SLC38A1: variants seen among roughly 807,000 people sequenced by gnomAD.
SLC38A1 encodes sodium-coupled neutral amino acid symporter 1.
In SLC38A1, 18 loss-of-function variants were observed where a neutral mutation model predicts 60.3. The ratio of observed to expected loss-of-function variants is 0.30; its 90% CI spans 0.21 to 0.44. The LOEUF is 0.44. Ranked by LOEUF, SLC38A1 falls within the 20% of genes least tolerant of loss-of-function variation. The pLI is 1.00. For synonymous variants in SLC38A1, 196 were observed against 212.1 expected (o/e 0.92, Z 0.66); for missense variants, 448 against 587.2 (o/e 0.76, Z 2.45).
intron 11 of SLC38A1, among the ~76,000 whole-genome samples, chr12:46,203,784 A>G (rs1939767940): frequency 6.6e-6 from 1 of 152,256 alleles, no homozygotes; most frequent in Non-Finnish European, 1.5e-5. Context: ...CTTGTAAGAT[A>G]CAGAATAGAA....
chr12:46,227,296 A>G (rs1940905538), intron 5 of SLC38A1, among the ~76,000 whole-genome samples: 1 of 152,236 alleles, frequency 6.6e-6, no homozygotes. Context: ...TTTCTGAGCA[A>G]TAACAGCACA....
chr12:46,183,401 C>T lies in SLC38A1; in HGVS notation c.*5569G>A, dbSNP rs1222095610. 2 of 152,148 alleles carry T rather than the reference C, an allele frequency of 1.3e-5. No individual in the cohort carries two copies. Among genetic ancestry groups the T allele is most frequent in the African/African-American group, 4.8e-5 (2 of 41,422 alleles). The allele number at this position is 152,148 out of a possible 1,614,324, so 9.4% of individuals were successfully genotyped here. A position where few individuals can be genotyped will look rare whatever the true frequency, so the allele number is the denominator to read the frequency against. The stretch of plus-strand genomic sequence containing the variant: ...AAATACCTTAGACAGTCTATGTTGG[C>T]GTCAACACTAAAATAAAAGGCAAAC... On this transcript the variant is annotated 3_prime_UTR_variant, in exon 17 of 17. Transcript: ENST00000398637.
chr12:46,204,698 T>C (rs1307937572), intron 9 of SLC38A1, 108 bp from the exon 10 acceptor site: 1 of 713,372 alleles, frequency 1.4e-6, no homozygotes, highest in East Asian at 2.7e-5. Context: ...ACCTCACTTA[T>C]TTCAGTGCAT....
At chr12:46,214,654 G>T (rs963341136) in intron 5 of SLC38A1, among the ~76,000 whole-genome samples, 1 of 152,096 alleles carries the variant, frequency 6.6e-6, no homozygotes, top group Admixed American at 6.5e-5. Flanking sequence ...GAATTTTATT[G>T]TATATAAAGT....
chr12:46,262,799 G>A lies in SLC38A1; in HGVS notation c.-209+5727C>T, dbSNP rs74082097. Among the ~76,000 whole-genome samples, 420 of 152,274 alleles carry A rather than the reference G, an allele frequency of 2.8e-3. 1 individual carries two copies. The highest frequency in any genetic ancestry group is 9.5e-3 in the African/African-American group (396 of 41,560). On this transcript the variant is annotated intron_variant, in intron 1 of 16. Coordinates refer to ENST00000398637, the MANE Select transcript of SLC38A1 (RefSeq NM_030674.4). ...TTAAAAATAGACTTTTATTTGAAAA[G>A]AGAAAATGTAATAAAAGACACTATA... is the stretch of plus-strand genomic sequence containing the variant.
At chr12:46,265,831 C>T (rs778121303) in intron 1 of SLC38A1, among the ~76,000 whole-genome samples, 1 of 152,172 alleles carries the variant, frequency 6.6e-6, no homozygotes, top group South Asian at 2.1e-4. Flanking sequence ...GTTGTGCTTG[C>T]ATTTTTCTCC....
intron 13 of SLC38A1, among the ~76,000 whole-genome samples, chr12:46,200,247 G>C (rs74755486): frequency 6.6e-6 from 1 of 152,032 alleles, no homozygotes; most frequent in Admixed American, 6.6e-5. Flanking sequence ...TGTATAATCA[G>C]AGTAGCCTTT....
In SLC38A1 at chr12:46,201,080, C is replaced by T. The variant is rs1939636949; in HGVS notation, c.1003+18G>A. On this transcript the variant is annotated intron_variant, in intron 13 of 16. Transcript: ENST00000398637. ...GTTTACAAATATTTATATTTATGTA[C>T]CAGTAGAAATTACTTACCATAGAAT... 4 of 1,475,496 alleles carry T rather than the reference C, an allele frequency of 2.7e-6. No individual in the cohort carries two copies. The highest frequency in any genetic ancestry group is 1.9e-6 in the Non-Finnish European group (2 of 1,059,804). 91.4% of individuals were successfully genotyped at this position (1,475,496 alleles called of 1,614,324 possible).
rs566322185 is a variant in SLC38A1, at chr12:46,216,804, G to A, written c.315-7677C>T. Among the ~76,000 whole-genome samples, 3 of 151,966 alleles carry A rather than the reference G, an allele frequency of 2.0e-5. No homozygotes were observed. In the East Asian group the frequency reaches 5.8e-4, roughly 29 times the overall value. On this transcript the variant is annotated intron_variant, in intron 5 of 16. Transcript: ENST00000398637. Reference sequence around the variant, plus strand: ...GAACCCGGGAGGCGGAGGTTGCAGTGAGCTGAGATCATGTCACTGCACTGC... The same window carrying A: ...GAACCCGGGAGGCGGAGGTTGCAGTAAGCTGAGATCATGTCACTGCACTGC...
At chr12:46,266,432 A>C (rs1347686321) in intron 1 of SLC38A1, among the ~76,000 whole-genome samples, 1 of 152,124 alleles carries the variant, frequency 6.6e-6, no homozygotes, top group African/African-American at 2.4e-5. Context: ...GTCAAAGAAG[A>C]GTGCAATAAG....
intron 16 of SLC38A1, chr12:46,196,034 C>T (rs921250818): frequency 2.4e-5 from 24 of 998,848 alleles, no homozygotes; most frequent in Middle Eastern, 2.3e-4. Context: ...TCTTCTACAT[C>T]GATCTTGCTG....
At chr12:46,198,858 C>T (rs750453755) in intron 13 of SLC38A1, 115 bp from the exon 14 acceptor site, 13 of 673,072 alleles carry the variant, frequency 1.9e-5, no homozygotes, top group Non-Finnish European at 2.6e-5. Flanking sequence ...AGCAATGTTT[C>T]GAAATGTCTA....
intron 1 of SLC38A1, among the ~76,000 whole-genome samples, chr12:46,262,881 G>A (rs2139040744): frequency 6.6e-6 from 1 of 152,246 alleles, no homozygotes; most frequent in East Asian, 1.9e-4. Flanking sequence ...TCCTCTCTGG[G>A]TCTCTGTCTC....
intron 1 of SLC38A1, among the ~76,000 whole-genome samples, chr12:46,254,477 T>C (rs1204610484): frequency 6.6e-6 from 1 of 152,238 alleles, no homozygotes; most frequent in African/African-American, 2.4e-5. Context: ...CATAAGCCTT[T>C]TGTAATTTCG....
chr12:46,194,603 C>G (rs1178425798), intron 16 of SLC38A1, among the ~76,000 whole-genome samples: 11 of 152,152 alleles, frequency 7.2e-5, no homozygotes, highest in African/African-American at 2.4e-5. Flanking sequence ...TCACATAGTC[C>G]CATATTTCTT....
At chr12:46,243,445 T>C (rs539460396) in intron 1 of SLC38A1, 131 bp from the exon 2 acceptor site, 1 of 152,316 alleles carries the variant, frequency 6.6e-6, no homozygotes, top group Admixed American at 6.5e-5. Context: ...CTGAGTTATG[T>C]CAGTAAGCAC....
chr12:46,243,787 G>T (rs1592137768), intron 1 of SLC38A1, among the ~76,000 whole-genome samples: 1 of 152,184 alleles, frequency 6.6e-6, no homozygotes, highest in East Asian at 1.9e-4. Context: ...TTTATAATAG[G>T]TTACGAATTA....
At chr12:46,216,054 C>G (rs912670830) in intron 5 of SLC38A1, among the ~76,000 whole-genome samples, 4 of 152,078 alleles carry the variant, frequency 2.6e-5, no homozygotes, top group Admixed American at 6.5e-5. Flanking sequence ...CTATCTTTCT[C>G]CACTCCTTTC....
chr12:46,214,782 C>T (rs1045608273), intron 5 of SLC38A1, among the ~76,000 whole-genome samples: 1 of 152,186 alleles, frequency 6.6e-6, no homozygotes, highest in Non-Finnish European at 1.5e-5. Context: ...AATCATATGA[C>T]ATCCTCCCAA....
Sources: gnomAD v4.1 joint callset for allele counts (sites outside exome capture counted in the v4.1 genomes callset) on GRCh38, gnomAD v4.1.1 for gene constraint, MANE v1.5 for transcripts, NCBI Gene and HGNC (gene_info 2026-07-23, HGNC 2026-07-21) for gene names.